Variants in ZNF445 observed in about 807,000 individuals in gnomAD.
ZNF445 encodes the protein zinc finger protein 445, also known as zinc finger protein 168.
ZNF445 carries 19 observed loss-of-function variants against 93.9 expected under a neutral mutation model. The observed-to-expected ratio is 0.20, with a 90% CI of 0.14 to 0.30. The LOEUF (loss-of-function observed/expected upper bound fraction) is 0.30, where lower values mean the gene tolerates loss of function less well. ZNF445 is among the 10% of genes least tolerant of loss of function. The pLI, the probability that ZNF445 is intolerant of heterozygous loss-of-function variation, is 1.00. For missense variants in ZNF445, 1,058 were observed against 1,259.4 expected, an observed-to-expected ratio of 0.84 and a Z score of 2.42; for synonymous variants, 449 against 446.3, an observed-to-expected ratio of 1.01 and a Z score of -0.08.
At chr3:44,451,695 G>A (rs1697960463) in intron 3 of ZNF445, among the ~76,000 whole-genome samples, 2 of 152,146 alleles carry the variant, frequency 1.3e-5, no homozygotes, top group South Asian at 4.1e-4. Flanking sequence ...GAGGGTCATG[G>A]GAGAGTCCAG....
At chr3:44,462,375 G>A (rs954624663) in intron 1 of ZNF445, among the ~76,000 whole-genome samples, 1 of 152,182 alleles carries the variant, frequency 6.6e-6, no homozygotes, top group Non-Finnish European at 1.5e-5. Context: ...GTCATAGGTA[G>A]CCCTAAAAAT....
intron 1 of ZNF445, among the ~76,000 whole-genome samples, chr3:44,473,272 T>C (rs998182483): frequency 4.6e-5 from 7 of 151,956 alleles, no homozygotes; most frequent in African/African-American, 9.7e-5. Context: ...CTGACCAACA[T>C]GGAGAAACCC....
Position 44,441,841 on chromosome 3 carries a change from T to C in ZNF445, c.*4734A>G, listed in dbSNP as rs1195432746. ...TGCCTTAGGAAGGCAGAATGGTGAC[T>C]TGCACACATCGTTCCAATACATGAT... On this transcript the variant is annotated 3_prime_UTR_variant, in exon 8 of 8. Transcript: ENST00000396077. 1 of 152,210 alleles carries C rather than the reference T, an allele frequency of 6.6e-6. No individual in the cohort carries two copies. The highest frequency in any genetic ancestry group is 1.5e-5 in the Non-Finnish European group (1 of 68,036). The allele number at this position is 152,210 out of a possible 1,614,324, so 9.4% of individuals were successfully genotyped here. A position where few individuals can be genotyped will look rare whatever the true frequency, so the allele number is the denominator to read the frequency against.
chr3:44,455,667 A>G lies in ZNF445; in HGVS notation c.-118T>C, dbSNP rs760936064. 3.9e-5 allele frequency: 36 copies of G among 932,464 alleles called. No individual in the cohort carries two copies. The highest frequency in any genetic ancestry group is 5.5e-5 in the Non-Finnish European group (35 of 639,844). 57.8% of individuals were successfully genotyped at this position (932,464 alleles called of 1,614,324 possible). ...AACATTTGCTGGGACATCAGAAGTC[A>G]TCAGCAAGTGACTGAAATTACCAGC... On this transcript the variant is annotated 5_prime_UTR_variant, in exon 3 of 8. An upstream start codon of the reference 5' UTR is lost. Coordinates refer to ENST00000396077, the MANE Select transcript of ZNF445 (RefSeq NM_181489.6).
intron 3 of ZNF445, among the ~76,000 whole-genome samples, chr3:44,453,135 A>T (rs1194113274): frequency 6.6e-6 from 1 of 151,870 alleles, no homozygotes; most frequent in Admixed American, 6.6e-5. Flanking sequence ...GATGGTCTCG[A>T]TCTCTTGACC....
In ZNF445 at chr3:44,432,259, T is replaced by TTGTGTGTGTGTGTCTGTGTG. The variant is rs1394377453; in HGVS notation, c.*14296_*14315dup. The TTGTGTGTGTGTGTCTGTGTG allele has an allele frequency of 8.0e-6, 1 of 124,596 alleles. No homozygotes were observed. The highest frequency in any genetic ancestry group is 1.7e-5 in the Non-Finnish European group (1 of 59,146). 7.7% of individuals were successfully genotyped at this position (124,596 alleles called of 1,614,324 possible). A position where few individuals can be genotyped will look rare whatever the true frequency, so the allele number is the denominator to read the frequency against. ...TTTATTGGAACACATCTACACTCAT[T>TTGTGTGTGTGTGTCTGTGTG]TGTGTGTGTGTGTCTGTGTGTGTGT... On this transcript the variant is annotated 3_prime_UTR_variant, in exon 8 of 8. Coordinates refer to ENST00000396077, the MANE Select transcript of ZNF445 (RefSeq NM_181489.6).
rs1697885135 is a variant in ZNF445 at position 44,446,905 on chromosome 3, T to G, written c.2766A>C (p.Ala922=). The G allele has an allele frequency of 6.2e-7, 1 of 1,614,212 alleles. No homozygotes were observed. Among genetic ancestry groups the G allele is most frequent in the East Asian group, 2.2e-5 (1 of 44,882 alleles). ...SSHQRKHTRA[A]QAERSPPARS... ...GTGCAGGCGGGCTACGTTCAGCCTG[T>G]GCTGCTCTGGTGTGTTTCCTCTGGT... Residue 922 remains alanine (A), a synonymous_variant, in exon 8 of 8, where the codon GCA becomes GCC. Transcript: ENST00000396077. The surrounding 1 kb of genome is among the most constrained non-coding windows in gnomAD (Gnocchi z 4.2).
Position 44,438,505 on chromosome 3 carries a change from C to T in ZNF445, c.*8070G>A, listed in dbSNP as rs1697736296. On this transcript the variant is annotated 3_prime_UTR_variant, in exon 8 of 8. Coordinates refer to ENST00000396077, the MANE Select transcript of ZNF445 (RefSeq NM_181489.6). ...TAGAGACGGGGTTTCACCGCGTTAGCCAGCATGGTCTCGATCTCTTGACCT... is the reference window on the plus strand; with the variant it reads ...TAGAGACGGGGTTTCACCGCGTTAGTCAGCATGGTCTCGATCTCTTGACCT... 6.7e-6 allele frequency: 1 copy of T among 150,202 alleles called. No individual in the cohort carries two copies. Among genetic ancestry groups the T allele is most frequent in the Admixed American group, 6.6e-5 (1 of 15,054 alleles). The allele number at this position is 150,202 out of a possible 1,614,324, so 9.3% of individuals were successfully genotyped here. A position where few individuals can be genotyped will look rare whatever the true frequency, so the allele number is the denominator to read the frequency against.
At chr3:44,476,558 C>G (rs1019554578) in intron 1 of ZNF445, among the ~76,000 whole-genome samples, 14 of 152,154 alleles carry the variant, frequency 9.2e-5, no homozygotes, top group Admixed American at 5.9e-4. Flanking sequence ...CCTGGCACTT[C>G]CTTGCAAAAC....
Position 44,448,115 on chromosome 3 carries a change from C to G in ZNF445, c.1556G>C (p.Gly519Ala), listed in dbSNP as rs370860805. 1 of 1,613,940 alleles carries G rather than the reference C, an allele frequency of 6.2e-7. No homozygotes were observed. Among genetic ancestry groups the G allele is most frequent in the Non-Finnish European group, 8.5e-7 (1 of 1,180,024 alleles). ...QEKAFKCRVC[G>A]KAFRWSSNCA... Reference sequence around the variant, plus strand: ...GTTGGAACTCCACCGGAAGGCTTTCCCACACACCCTACATTTAAATGCTTT... The same window carrying G: ...GTTGGAACTCCACCGGAAGGCTTTCGCACACACCCTACATTTAAATGCTTT... The change falls in exon 8 of 8, where the codon GGG (glycine) becomes GCG (alanine). Residue 519 changes from glycine to alanine, a missense_variant. By Grantham distance (60) the Gly-to-Ala change is moderately conservative. This residue lies in a region of ZNF445 where 657 missense variants were observed against 746.4 expected (regional missense o/e 0.88). Transcript: ENST00000396077.
chr3:44,457,375 G>A (rs973864341), intron 2 of ZNF445, among the ~76,000 whole-genome samples: 4 of 152,038 alleles, frequency 2.6e-5, no homozygotes, highest in East Asian at 1.9e-4. Context: ...GGGCTCAAGC[G>A]ATCCTCTTGC....
chr3:44,447,510 T>A lies in ZNF445; in HGVS notation c.2161A>T (p.Arg721Trp). The A allele has an allele frequency of 6.2e-7, 1 of 1,614,236 alleles. No homozygotes were observed. Among genetic ancestry groups the A allele is most frequent in the Non-Finnish European group, 8.5e-7 (1 of 1,180,036 alleles). ...CSDCGKDFAY[R>W]SAFIVHKKKH... Reference sequence around the variant, plus strand: ...TTCTTATGAACAATAAAGGCTGACCTATAGGCAAAGTCCTTCCCACAATCG... The same window carrying A: ...TTCTTATGAACAATAAAGGCTGACCAATAGGCAAAGTCCTTCCCACAATCG... Residue 721 changes from arginine to tryptophan, a missense_variant, in exon 8 of 8, where the codon AGG (arginine) becomes TGG (tryptophan). Arg to Trp is a moderately radical substitution (Grantham distance 101). Around this residue, in one of 3 missense-constraint regions of ZNF445, gnomAD observed 387 missense variants for 475.7 expected, o/e 0.81. Coordinates refer to ENST00000396077, the MANE Select transcript of ZNF445 (RefSeq NM_181489.6). The surrounding 1 kb of genome is among the most constrained non-coding windows in gnomAD (Gnocchi z 4.7).
Position 44,451,493 on chromosome 3 carries a change from G to GA in ZNF445, c.430-12dup. 3 of 1,593,798 alleles carry GA rather than the reference G, an allele frequency of 1.9e-6. No homozygotes were observed. Among genetic ancestry groups the GA allele is most frequent in the Non-Finnish European group, 2.6e-6 (3 of 1,165,460 alleles). On this transcript the variant is annotated splice_polypyrimidine_tract_variant and intron_variant, in intron 3 of 7. Transcript: ENST00000396077. ...GGCAGGGCCCGGGTCCTGGCAAGAA[G>GA]AAAATGTTGTGAGAGGATCTTTCTG...
intron 1 of ZNF445, among the ~76,000 whole-genome samples, chr3:44,462,236 T>C (rs1698125275): frequency 6.6e-6 from 1 of 152,184 alleles, no homozygotes; most frequent in South Asian, 2.1e-4. Flanking sequence ...TTGCTACGGG[T>C]CTCCGAAACC....
In ZNF445 at chr3:44,447,428, A is replaced by G. The variant is rs754412794; in HGVS notation, c.2243T>C (p.Val748Ala). ...EGGPSFSQDT[V>A]FQVPQSSHSK... is the part of the protein sequence containing the mutation. Reference sequence around the variant, plus strand: ...GTGACTGCTCTGAGGAACCTGGAACACTGTGTCCTGACTAAAAGATGGCCC... The same window carrying G: ...GTGACTGCTCTGAGGAACCTGGAACGCTGTGTCCTGACTAAAAGATGGCCC... The change falls in exon 8 of 8, where the codon GTG becomes GCG. Residue 748 changes from valine (V) to alanine (A), a missense_variant. Val to Ala is a moderately conservative substitution (Grantham distance 64, BLOSUM62 0). Around this residue, in one of 3 missense-constraint regions of ZNF445, gnomAD observed 387 missense variants for 475.7 expected, o/e 0.81. Transcript: ENST00000396077. The surrounding 1 kb of genome is among the most constrained non-coding windows in gnomAD (Gnocchi z 4.7). 8.1e-6 allele frequency: 13 copies of G among 1,614,048 alleles called. No homozygotes were observed. In the East Asian group the frequency reaches 2.9e-4, roughly 36 times the overall value.
In ZNF445 at chr3:44,448,401, T is replaced by C. The variant is rs2125678688; in HGVS notation, c.1270A>G (p.Ser424Gly). Residue 424 changes from serine to glycine, a missense_variant, in exon 8 of 8, where the codon AGT becomes GGT. Ser to Gly is a moderately conservative substitution (Grantham distance 56). Coordinates refer to ENST00000396077, the MANE Select transcript of ZNF445 (RefSeq NM_181489.6). ...TTCTTGTAGTCATAGTGGTGTGAAC[T>C]CATTCTGAAGTGTTTGCCACAGCCA... is the stretch of plus-strand genomic sequence containing the variant. ...KHGCGKHFRM[S>G]SHHYDYKKYG... is the part of the protein sequence containing the mutation. The C allele has an allele frequency of 1.2e-6, 2 of 1,614,252 alleles. No individual in the cohort carries two copies. Among genetic ancestry groups the C allele is most frequent in the Middle Eastern group, 1.6e-4 (1 of 6,062 alleles).
In ZNF445 at chr3:44,443,511, G is replaced by A. The variant is rs1311556318; in HGVS notation, c.*3064C>T. 6.6e-6 allele frequency: 1 copy of A among 150,862 alleles called. No homozygotes were observed. The highest frequency in any genetic ancestry group is 1.5e-5 in the Non-Finnish European group (1 of 67,798). 9.3% of individuals were successfully genotyped at this position (150,862 alleles called of 1,614,324 possible). ...CGAGGCGGGTGGATCACGACGTCAG[G>A]AGATCGAGACCATCCTGGAGATCGA... On this transcript the variant is annotated 3_prime_UTR_variant, in exon 8 of 8. Transcript: ENST00000396077.
At chr3:44,457,266 C>T in intron 2 of ZNF445, among the ~76,000 whole-genome samples, 1 of 151,844 alleles carries the variant, frequency 6.6e-6, no homozygotes, top group Non-Finnish European at 1.5e-5. Flanking sequence ...ATACACCCAA[C>T]TGATTTTTTT....
At position 44,443,509 on chromosome 3, in the gene ZNF445, A is replaced by AGGAGATCGAGACCATCCT. The variant is rs754788203; in HGVS notation, c.*3048_*3065dup. The stretch of plus-strand genomic sequence containing the variant: ...GCCGAGGCGGGTGGATCACGACGTC[A>AGGAGATCGAGACCATCCT]GGAGATCGAGACCATCCTGGAGATC... On this transcript the variant is annotated 3_prime_UTR_variant, in exon 8 of 8. Transcript: ENST00000396077. 22 of 150,956 alleles carry AGGAGATCGAGACCATCCT rather than the reference A, an allele frequency of 1.5e-4. No individual in the cohort carries two copies. Among genetic ancestry groups the AGGAGATCGAGACCATCCT allele is most frequent in the Non-Finnish European group, 8.9e-5 (6 of 67,776 alleles). 9.4% of individuals were successfully genotyped at this position (150,956 alleles called of 1,614,324 possible).
Sources: gnomAD v4.1 joint callset for allele counts (sites outside exome capture counted in the v4.1 genomes callset) on GRCh38, gnomAD v4.1.1 for gene constraint, gnomAD v4.1.1 regional missense constraint, Gnocchi (gnomAD v3.1) non-coding constraint, MANE v1.5 for transcripts, NCBI Gene and HGNC (gene_info 2026-07-23, HGNC 2026-07-21) for gene names.